Variants in PCDH15 observed in about 807,000 individuals in gnomAD.
PCDH15 encodes the protein protocadherin-15.
A neutral mutation model predicts 178.5 loss-of-function variants in PCDH15; 129 were observed. The observed-to-expected ratio is 0.72, with a 90% confidence interval of 0.63 to 0.84. The LOEUF is 0.84. Ranked by LOEUF, PCDH15 falls within the 40% of genes least tolerant of loss-of-function variation. The probability of loss-of-function intolerance (pLI) is 0.00; values close to 1 mark genes in which losing one functional copy is unlikely to be tolerated. For synonymous variants in PCDH15, 800 were observed against 732.0 expected, an observed-to-expected ratio of 1.09 and a Z score of -1.50; for missense variants, 2,230 against 2,099.9, an observed-to-expected ratio of 1.06 and a Z score of -1.21.
intron 21 of PCDH15, among the ~76,000 whole-genome samples, chr10:53,968,427 A>G (rs2089288185): frequency 6.6e-6 from 1 of 152,208 alleles, no homozygotes; most frequent in Non-Finnish European, 1.5e-5. Flanking sequence ...CTCTGGGGGC[A>G]GGGCAGAGCT....
intron 2 of PCDH15, among the ~76,000 whole-genome samples, chr10:54,946,168 G>A (rs1838193291): frequency 6.6e-6 from 1 of 151,814 alleles, no homozygotes; most frequent in Admixed American, 6.6e-5. Context: ...CATAGATAAT[G>A]AAAGATGAAT....
chr10:53,997,765 A>T (rs113175340), intron 20 of PCDH15, among the ~76,000 whole-genome samples: 6 of 152,308 alleles, frequency 3.9e-5, no homozygotes, highest in African/African-American at 1.4e-4. Flanking sequence ...CACACCTAAG[A>T]CTGTAAATGA....
chr10:54,789,129 A>T (rs1237373164), intron 1 of PCDH15, among the ~76,000 whole-genome samples: 1 of 151,920 alleles, frequency 6.6e-6, no homozygotes, highest in Non-Finnish European at 1.5e-5. Flanking sequence ...TCATATTTAA[A>T]ATTCATTTGA....
chr10:55,370,809 T>C (rs1845489576), intron 2 of PCDH15, among the ~76,000 whole-genome samples: 1 of 152,146 alleles, frequency 6.6e-6, no homozygotes, highest in South Asian at 2.1e-4. Flanking sequence ...ATCCCTAACA[T>C]ATAATCCATC....
intron 2 of PCDH15, among the ~76,000 whole-genome samples, chr10:54,573,721 C>T (rs968376203): frequency 6.6e-6 from 1 of 151,924 alleles, no homozygotes; most frequent in Non-Finnish European, 1.5e-5. Flanking sequence ...TCCCCAACTT[C>T]AGATTCTGGT....
intron 2 of PCDH15, among the ~76,000 whole-genome samples, chr10:55,541,996 C>A (rs745468506): frequency 1.3e-5 from 2 of 151,548 alleles, no homozygotes; most frequent in African/African-American, 2.4e-5. Flanking sequence ...ATATATAAAC[C>A]TGAGAGGGAA....
intron 2 of PCDH15, among the ~76,000 whole-genome samples, chr10:55,131,851 T>G (rs1838055551): frequency 6.6e-6 from 1 of 152,160 alleles, no homozygotes; most frequent in African/African-American, 2.4e-5. Context: ...AAAAGCACCA[T>G]GAATTCTCAC....
At chr10:55,317,951 G>A (rs1241895420) in intron 1 of PCDH15, among the ~76,000 whole-genome samples, 2 of 152,168 alleles carry the variant, frequency 1.3e-5, no homozygotes, top group Admixed American at 1.3e-4. Flanking sequence ...GAAAGAAGGT[G>A]GAGATCTGAC....
chr10:54,588,623 C>A (rs1048513626), intron 2 of PCDH15, among the ~76,000 whole-genome samples: 1 of 151,480 alleles, frequency 6.6e-6, no homozygotes, highest in African/African-American at 2.4e-5. Context: ...TGTTGCCCAG[C>A]CTGGAGTGCA....
chr10:54,718,698 T>TA (rs2095510416), intron 1 of PCDH15, among the ~76,000 whole-genome samples: 1 of 141,682 alleles, frequency 7.1e-6, no homozygotes, highest in Non-Finnish European at 1.5e-5. Context: ...TTTTTTTTTT[T>TA]TTTTTTCTTT....
At chr10:54,937,955 TTAAG>T (rs1178932792) in intron 2 of PCDH15, among the ~76,000 whole-genome samples, 1 of 152,082 alleles carries the variant, frequency 6.6e-6, no homozygotes, top group Non-Finnish European at 1.5e-5. Context: ...TCTTTCACCT[TTAAG>T]TAAGAGGATT....
chr10:54,183,881 T>C (rs2048241198), intron 12 of PCDH15, among the ~76,000 whole-genome samples: 1 of 152,186 alleles, frequency 6.6e-6, no homozygotes, highest in Non-Finnish European at 1.5e-5. Flanking sequence ...GCCAATAACA[T>C]TGCTGACTCT....
At chr10:54,739,699 T>C (rs1394874221) in intron 1 of PCDH15, among the ~76,000 whole-genome samples, 5 of 151,672 alleles carry the variant, frequency 3.3e-5, no homozygotes, top group Non-Finnish European at 7.4e-5. Context: ...CATAAGCCAA[T>C]GTAACAGAAT....
chr10:54,911,892 C>T (rs1954825144), intron 2 of PCDH15, among the ~76,000 whole-genome samples: 1 of 152,174 alleles, frequency 6.6e-6, no homozygotes, highest in Non-Finnish European at 1.5e-5. Context: ...GTCAATTAAA[C>T]CTCTTTTCTT....
At chr10:53,970,175 T>C (rs1196061010) in intron 21 of PCDH15, among the ~76,000 whole-genome samples, 4 of 150,318 alleles carry the variant, frequency 2.7e-5, no homozygotes, top group Non-Finnish European at 5.9e-5. Context: ...ACCAAGCAAA[T>C]GGAAAGCAAA....
chr10:55,145,316 T>C (rs1838475869), intron 2 of PCDH15, among the ~76,000 whole-genome samples: 1 of 152,034 alleles, frequency 6.6e-6, no homozygotes, highest in Non-Finnish European at 1.5e-5. Flanking sequence ...AAACAGGCTA[T>C]GCTCAGAAAG....
chr10:54,846,505 C>T (rs994708830), intron 3 of PCDH15, among the ~76,000 whole-genome samples: 1 of 152,068 alleles, frequency 6.6e-6, no homozygotes, highest in Non-Finnish European at 1.5e-5. Context: ...GAGGTAAGGT[C>T]TTTGAGGCAG....
intron 3 of PCDH15, among the ~76,000 whole-genome samples, chr10:54,844,570 G>C (rs892385068): frequency 6.6e-6 from 1 of 151,834 alleles, no homozygotes; most frequent in Non-Finnish European, 1.5e-5. Context: ...ATTTATGATG[G>C]ATTTTCTTCA....
chr10:54,630,987 TAA>T (rs1256530493), intron 2 of PCDH15, among the ~76,000 whole-genome samples: 2 of 152,140 alleles, frequency 1.3e-5, no homozygotes, highest in Non-Finnish European at 2.9e-5. Context: ...ATGCTATTAT[TAA>T]AAAGTCAAAA....
Sources: gnomAD v4.1 joint callset for allele counts (sites outside exome capture counted in the v4.1 genomes callset) on GRCh38, gnomAD v4.1.1 for gene constraint, MANE v1.5 for transcripts, NCBI Gene and HGNC (gene_info 2026-07-23, HGNC 2026-07-21) for gene names.